ELOVL6: variants seen among roughly 807,000 people sequenced by gnomAD.
ELOVL6 encodes the protein very long chain fatty acid elongase 6.
In ELOVL6, 8 loss-of-function variants were observed where a neutral mutation model predicts 31.7. That is an observed-to-expected ratio of 0.25 (90% CI 0.15 to 0.45). ELOVL6 has a LOEUF of 0.45. ELOVL6 is among the 20% of genes least tolerant of loss of function. The pLI is 1.00. For synonymous variants in ELOVL6, 101 were observed against 117.7 expected, an observed-to-expected ratio of 0.86 and a Z score of 0.92; for missense variants, 126 against 326.4, an observed-to-expected ratio of 0.39 and a Z score of 4.73.
intron 1 of ELOVL6, among the ~76,000 whole-genome samples, chr4:110,109,602 G>C (rs1315502267): frequency 6.6e-6 from 1 of 152,156 alleles, no homozygotes; most frequent in Non-Finnish European, 1.5e-5. Flanking sequence ...AGCTGAGCAA[G>C]TTCTCACTTA....
At chr4:110,084,249 T>C (rs1756090162) in intron 2 of ELOVL6, among the ~76,000 whole-genome samples, 1 of 135,316 alleles carries the variant, frequency 7.4e-6, no homozygotes, top group Admixed American at 8.0e-5. Context: ...ATATGATATA[T>C]ATAACATATA....
At chr4:110,054,947 G>C (rs1287073659) in intron 3 of ELOVL6, among the ~76,000 whole-genome samples, 1 of 152,166 alleles carries the variant, frequency 6.6e-6, no homozygotes, top group African/African-American at 2.4e-5. Context: ...GCACGATGGT[G>C]GGTGCGGGAA....
Position 110,198,051 on chromosome 4 carries a change from C to T in ELOVL6, c.89+196G>A, listed in dbSNP as rs148154915. ...TGTAGCCGCGGTTCACACAGGGGCA[C>T]CCACAGACCTCGCGCTTCATGTACC... On this transcript the variant is annotated intron_variant, in intron 1 of 3. Transcript: ENST00000302274. The T allele has an allele frequency of 3.0e-3, 1,884 of 625,126 alleles. 34 individuals carry two copies. The African/African-American group carries it at 0.031, about 10-fold the overall frequency. The allele number at this position is 625,126 out of a possible 1,614,324, so 38.7% of individuals were successfully genotyped here.
chr4:110,078,490 A>G (rs1373224174), intron 2 of ELOVL6, among the ~76,000 whole-genome samples: 11 of 152,214 alleles, frequency 7.2e-5, no homozygotes, highest in Admixed American at 2.0e-4. Context: ...AGCCAAACTA[A>G]GCTTCATAAG....
chr4:110,117,903 A>AAAAAAAATAT lies in ELOVL6; in HGVS notation c.90-12276_90-12275insATATTTTTTT. 13 of 6,502 alleles carry AAAAAAAATAT rather than the reference A, an allele frequency of 2.0e-3. 1 individual carries two copies. Among genetic ancestry groups the AAAAAAAATAT allele is most frequent in the East Asian group, 0.013 (2 of 160 alleles). 0.4% of individuals were successfully genotyped at this position (6,502 alleles called of 1,614,324 possible). ...TCTCAAAAAAAAAAAAAAAAAAAAAAATATATATATATATATATATATCTC... is the reference window on the plus strand; with the variant it reads ...TCTCAAAAAAAAAAAAAAAAAAAAAAAAAAAAATATATATATATATATATATATATATCTC... On this transcript the variant is annotated intron_variant, in intron 1 of 3. Coordinates refer to ENST00000302274, the MANE Select transcript of ELOVL6 (RefSeq NM_024090.3).
At chr4:110,113,289 C>T (rs1757088153) in intron 1 of ELOVL6, among the ~76,000 whole-genome samples, 1 of 147,912 alleles carries the variant, frequency 6.8e-6, no homozygotes, top group Non-Finnish European at 1.5e-5. Flanking sequence ...TGGCAGAAAA[C>T]ATATCAGTGA....
rs1420221617 is a variant in ELOVL6 at position 110,046,963 on chromosome 4, G to A, written c.*4375C>T. ...ATGAGTCTGAGGCACAAAGAATCAG[G>A]TGTTGTATAGAAAAGACAAAGAACG... On this transcript the variant is annotated 3_prime_UTR_variant, in exon 4 of 4. Transcript: ENST00000302274. 1 of 152,214 alleles carries A rather than the reference G, an allele frequency of 6.6e-6. No individual in the cohort carries two copies. Among genetic ancestry groups the A allele is most frequent in the Non-Finnish European group, 1.5e-5 (1 of 68,062 alleles). The allele number at this position is 152,214 out of a possible 1,614,324, so 9.4% of individuals were successfully genotyped here.
At chr4:110,068,899 T>C (rs115894436) in intron 2 of ELOVL6, among the ~76,000 whole-genome samples, 2,843 of 152,210 alleles carry the variant, frequency 0.019, 34 homozygotes, top group Non-Finnish European at 0.027. Flanking sequence ...TCCCAACACT[T>C]TGGAAGACCC....
chr4:110,077,809 C>A (rs953242215), intron 2 of ELOVL6, among the ~76,000 whole-genome samples: 1 of 152,136 alleles, frequency 6.6e-6, no homozygotes, highest in East Asian at 1.9e-4. Context: ...GGAGGAAGTT[C>A]GAACCCATGG....
intron 2 of ELOVL6, among the ~76,000 whole-genome samples, chr4:110,081,413 G>A (rs1755845703): frequency 6.6e-6 from 1 of 152,172 alleles, no homozygotes; most frequent in Admixed American, 6.5e-5. Flanking sequence ...CAATGGAACA[G>A]AATGGAGCCC....
At chr4:110,097,939 T>C (rs1224853582) in intron 2 of ELOVL6, among the ~76,000 whole-genome samples, 1 of 152,124 alleles carries the variant, frequency 6.6e-6, no homozygotes, top group Non-Finnish European at 1.5e-5. Flanking sequence ...GACACCAAAA[T>C]AGGAGGCTAA....
In ELOVL6 at chr4:110,160,179, A is replaced by G. The variant is rs563232955; in HGVS notation, c.89+38068T>C. 1.4e-4 allele frequency among the ~76,000 whole-genome samples: 21 copies of G among 152,228 alleles called. 1 individual carries two copies. Among genetic ancestry groups the G allele is most frequent in the Non-Finnish European group, 2.1e-4 (14 of 68,004 alleles). ...AACAGTGTATCTTGGAGATCTTTCC[A>G]TGACAGTGTTGCTCCTGACACCCTG... On this transcript the variant is annotated intron_variant, in intron 1 of 3. Transcript: ENST00000302274.
intron 1 of ELOVL6, among the ~76,000 whole-genome samples, chr4:110,174,625 T>C (rs1009589756): frequency 2.6e-5 from 4 of 152,356 alleles, no homozygotes; most frequent in Middle Eastern, 3.4e-3. Flanking sequence ...CCTGATGTGC[T>C]AGGTTGACAT....
intron 1 of ELOVL6, among the ~76,000 whole-genome samples, chr4:110,188,719 T>C (rs1336534931): frequency 6.6e-6 from 1 of 151,490 alleles, no homozygotes; most frequent in African/African-American, 2.4e-5. Context: ...AGAAACCCCA[T>C]CTCTACTAAA....
intron 1 of ELOVL6, among the ~76,000 whole-genome samples, chr4:110,143,759 A>G (rs1489779929): frequency 1.3e-5 from 2 of 152,222 alleles, no homozygotes; most frequent in Non-Finnish European, 1.5e-5. Context: ...CTTTAATAAT[A>G]TAAGAAGAGG....
chr4:110,120,402 T>G (rs2126253456), intron 1 of ELOVL6, among the ~76,000 whole-genome samples: 1 of 150,962 alleles, frequency 6.6e-6, no homozygotes, highest in East Asian at 1.9e-4. Flanking sequence ...ACTTCTTGAG[T>G]CTAAGGCCTT....
chr4:110,084,634 G>T (rs540244164), intron 2 of ELOVL6, among the ~76,000 whole-genome samples: 14 of 111,460 alleles, frequency 1.3e-4, no homozygotes, highest in African/African-American at 4.7e-4. Flanking sequence ...TTGCTCTGTC[G>T]CCCAGACTGG....
Position 110,088,437 on chromosome 4 carries a change from T to G in ELOVL6, c.221+17060A>C, listed in dbSNP as rs76794834. On this transcript the variant is annotated intron_variant, in intron 2 of 3. Transcript: ENST00000302274. ...CTGTTCATGTCTTCCACCCACAGAT[T>G]TAATGGCTTTTCCATTTTAATAAGC... Among the ~76,000 whole-genome samples the G allele has an allele frequency of 8.1e-3, 1,236 of 152,290 alleles. 15 individuals carry two copies. Among genetic ancestry groups the G allele is most frequent in the African/African-American group, 0.028 (1,143 of 41,556 alleles).
At chr4:110,123,626 A>C (rs1443595363) in intron 1 of ELOVL6, among the ~76,000 whole-genome samples, 2 of 152,192 alleles carry the variant, frequency 1.3e-5, no homozygotes, top group Admixed American at 1.3e-4. Context: ...AGGGTGGCAC[A>C]CTGGGAAGGT....
Sources: gnomAD v4.1 joint callset for allele counts (sites outside exome capture counted in the v4.1 genomes callset) on GRCh38, gnomAD v4.1.1 for gene constraint, MANE v1.5 for transcripts, NCBI Gene and HGNC (gene_info 2026-07-23, HGNC 2026-07-21) for gene names.